CALD1: variants seen among roughly 807,000 people sequenced by gnomAD.
CALD1 encodes the protein caldesmon 1.
CALD1 carries 33 observed loss-of-function variants against 99.9 expected under a neutral mutation model. That is an observed-to-expected ratio of 0.33 (90% CI 0.25 to 0.44). The LOEUF (loss-of-function observed/expected upper bound fraction) is 0.44. Among genes scored for constraint, CALD1 ranks in the 20% least tolerant of loss-of-function variants. The pLI, the probability that CALD1 is intolerant of heterozygous loss-of-function variation, is 1.00. For missense variants in CALD1, 861 were observed against 962.1 expected (o/e 0.89, Z 1.39); for synonymous variants, 310 against 325.0 (o/e 0.95, Z 0.50).
At chr7:134,856,252 GT>G (rs1800296485) in intron 2 of CALD1, among the ~76,000 whole-genome samples, 1 of 152,182 alleles carries the variant, frequency 6.6e-6, no homozygotes. Context: ...AAAGTCTAAA[GT>G]GGCACCGGAA....
chr7:134,729,418 C>T, the CALD1 span, among the ~76,000 whole-genome samples: 1 of 152,258 alleles, frequency 6.6e-6, no homozygotes, highest in African/African-American at 2.4e-5. Flanking sequence ...CCTGTTTAAT[C>T]TGTGTCCTCT....
the CALD1 span, among the ~76,000 whole-genome samples, chr7:134,735,302 A>C: frequency 6.6e-5 from 10 of 152,218 alleles, no homozygotes; most frequent in Admixed American, 3.9e-4. Context: ...TTGATTCAAA[A>C]TGTAGATACA....
intron 9 of CALD1, among the ~76,000 whole-genome samples, chr7:134,956,399 C>T (rs1807776527): frequency 6.6e-6 from 1 of 152,150 alleles, no homozygotes; most frequent in Non-Finnish European, 1.5e-5. Flanking sequence ...GAGGTGGGAT[C>T]TTTGGAAGAC....
At chr7:134,891,519 C>G (rs899030985) in intron 3 of CALD1, 110 of 1,501,476 alleles carry the variant, frequency 7.3e-5, no homozygotes, top group Admixed American at 7.0e-5. Context: ...ATTTCAGCCA[C>G]AGATCACATG....
intron 1 of CALD1, among the ~76,000 whole-genome samples, chr7:134,819,630 C>T (rs769488992): frequency 7.9e-5 from 12 of 152,212 alleles, no homozygotes; most frequent in Non-Finnish European, 1.8e-4. Context: ...TTGAAATCAT[C>T]TCTACCAAGC....
At chr7:134,956,337 T>C (rs1807771617) in intron 9 of CALD1, among the ~76,000 whole-genome samples, 1 of 152,174 alleles carries the variant, frequency 6.6e-6, no homozygotes, top group African/African-American at 2.4e-5. Flanking sequence ...ATTGTGTGTA[T>C]CCCCTCAAAA....
At chr7:134,777,940 C>T (rs1049452859), upstream of CALD1, among the ~76,000 whole-genome samples, 1 of 152,152 alleles carries the variant, frequency 6.6e-6, no homozygotes, top group African/African-American at 2.4e-5. Flanking sequence ...GACATTTTCC[C>T]ACAGGAACAA....
intron 1 of CALD1, among the ~76,000 whole-genome samples, chr7:134,784,004 C>T (rs897611045): frequency 6.6e-6 from 1 of 152,034 alleles, no homozygotes; most frequent in Admixed American, 6.6e-5. Context: ...AAAAAGAACA[C>T]CCAGAAGTTA....
intron 2 of CALD1, among the ~76,000 whole-genome samples, chr7:134,862,057 A>G (rs1319203671): frequency 1.3e-5 from 2 of 152,246 alleles, no homozygotes; most frequent in Admixed American, 6.5e-5. Flanking sequence ...GGCTAATTCA[A>G]TTGAGATCTT....
intron 9 of CALD1, among the ~76,000 whole-genome samples, chr7:134,956,430 G>A (rs997402470): frequency 6.6e-6 from 1 of 152,108 alleles, no homozygotes; most frequent in African/African-American, 2.4e-5. Flanking sequence ...TGAGGGTGGA[G>A]GCCCCCTTAA....
intron 3 of CALD1, among the ~76,000 whole-genome samples, chr7:134,886,159 C>G (rs998735755): frequency 4.6e-5 from 7 of 152,182 alleles, no homozygotes; most frequent in African/African-American, 1.4e-4. Flanking sequence ...GCTGGAGGAG[C>G]TGACTCATAC....
At chr7:134,947,936 C>A in intron 8 of CALD1, 167 bp downstream of exon 8, 1 of 756,420 alleles carries the variant, frequency 1.3e-6, no homozygotes, top group Non-Finnish European at 2.1e-6. Context: ...TTGTCCACTG[C>A]TTCTAAGAAC....
At chr7:134,907,265 A>T (rs1432913449) in intron 3 of CALD1, among the ~76,000 whole-genome samples, 1 of 152,252 alleles carries the variant, frequency 6.6e-6, no homozygotes, top group East Asian at 1.9e-4. Flanking sequence ...CATAGAAAAT[A>T]AAAAAACCAG....
intron 3 of CALD1, among the ~76,000 whole-genome samples, chr7:134,885,863 C>T (rs908267671): frequency 9.9e-5 from 15 of 151,914 alleles, no homozygotes; most frequent in Middle Eastern, 3.4e-3. Flanking sequence ...TCGTTTTCAC[C>T]GAGACCAGAA....
At chr7:134,786,667 A>C (rs1443724097) in intron 1 of CALD1, among the ~76,000 whole-genome samples, 1 of 152,206 alleles carries the variant, frequency 6.6e-6, no homozygotes, top group Non-Finnish European at 1.5e-5. Flanking sequence ...GTTGAATGAA[A>C]TAACAAACCA....
At chr7:134,825,379 T>C (rs944688830) in intron 1 of CALD1, among the ~76,000 whole-genome samples, 1 of 152,218 alleles carries the variant, frequency 6.6e-6, no homozygotes, top group African/African-American at 2.4e-5. Flanking sequence ...TTGTTAACTA[T>C]AAATTTAAGT....
chr7:134,711,676 ATATATGTGTGTGTG>A, the CALD1 span, among the ~76,000 whole-genome samples: 6 of 70,432 alleles, frequency 8.5e-5, no homozygotes, highest in Non-Finnish European at 1.9e-4. Context: ...ATATATATAT[ATATATGTGTGTGTG>A]TGTGTGTGTG....
chr7:134,863,737 C>T (rs747645892), intron 2 of CALD1, among the ~76,000 whole-genome samples: 1 of 151,998 alleles, frequency 6.6e-6, no homozygotes, highest in Non-Finnish European at 1.5e-5. Flanking sequence ...TTGAAAGATG[C>T]ACATCAGCTA....
chr7:134,731,596 T>C, the CALD1 span, among the ~76,000 whole-genome samples: 1 of 152,192 alleles, frequency 6.6e-6, no homozygotes, highest in Non-Finnish European at 1.5e-5. Context: ...CTCACCCTCT[T>C]TGGCTTCCCT....
Sources: allele counts gnomAD v4.1 joint callset (sites outside exome capture counted in the v4.1 genomes callset), GRCh38; gene constraint gnomAD v4.1.1; transcripts MANE v1.5; gene names NCBI Gene and HGNC (gene_info 2026-07-23, HGNC 2026-07-21).